Variants in ICA1 observed in about 807,000 individuals in gnomAD.
The protein encoded by ICA1 is 69 kDa islet cell autoantigen.
In ICA1, 40 loss-of-function variants were observed where a neutral mutation model predicts 71.0. That is an observed-to-expected ratio of 0.56 (90% confidence interval 0.44 to 0.73). ICA1 has a LOEUF of 0.73. Among genes scored for constraint, ICA1 ranks in the 30% least tolerant of loss-of-function variants. The probability of loss-of-function intolerance (pLI) is 0.00; values close to 1 mark genes in which losing one functional copy is unlikely to be tolerated. For missense variants in ICA1, 578 were observed against 576.5 expected (o/e 1.00, Z -0.03); for synonymous variants, 207 against 209.5 (o/e 0.99, Z 0.10).
At chr7:8,200,576 T>A (rs917438309) in intron 6 of ICA1, among the ~76,000 whole-genome samples, 1 of 152,078 alleles carries the variant, frequency 6.6e-6, no homozygotes, top group African/African-American at 2.4e-5. Context: ...TTGACAAGTA[T>A]GGAAGGGGCC....
At position 8,228,966 on chromosome 7, in the gene ICA1, C is replaced by T. The variant is rs1327776939; in HGVS notation, c.184-293G>A. ...AGCTGAAAAACAAAAAACAGACATC[C>T]TAAGTGAAGGGCCTAGTTAGAGGAC... is the stretch of plus-strand genomic sequence containing the variant. On this transcript the variant is annotated intron_variant, in intron 3 of 13. Transcript: ENST00000402384. 4.6e-5 allele frequency among the ~76,000 whole-genome samples: 7 copies of T among 152,086 alleles called. No individual in the cohort carries two copies. The East Asian group carries it at 1.3e-3, about 29-fold the overall frequency.
intron 12 of ICA1, among the ~76,000 whole-genome samples, chr7:8,129,263 T>G (rs1028857930): frequency 1.3e-5 from 2 of 152,094 alleles, no homozygotes; most frequent in Non-Finnish European, 2.9e-5. Context: ...AAAAAAATCA[T>G]GATTTATGTT....
At chr7:8,136,440 A>G (rs1035883907) in intron 12 of ICA1, among the ~76,000 whole-genome samples, 1 of 152,234 alleles carries the variant, frequency 6.6e-6, no homozygotes, top group Admixed American at 6.5e-5. Flanking sequence ...CAAAGGGCAC[A>G]CATTTTGAAG....
At position 8,123,958 on chromosome 7, in the gene ICA1, G is replaced by A. The variant is rs1014032136; in HGVS notation, c.1330+3915C>T. 3.3e-5 allele frequency among the ~76,000 whole-genome samples: 5 copies of A among 152,142 alleles called. No individual in the cohort carries two copies. Among genetic ancestry groups the A allele is most frequent in the East Asian group, 1.9e-4 (1 of 5,188 alleles). On this transcript the variant is annotated intron_variant, in intron 13 of 13. Transcript: ENST00000402384. This position sits in a 1 kb window ranked among gnomAD's most constrained non-coding sequence, Gnocchi z 4.1. ...TCCTCAGTTTCCCAGGCAATAAAAC[G>A]GATAATAGTAGCTGGCTGGGAAGGG...
chr7:8,165,491 C>G (rs1411291370), intron 6 of ICA1, among the ~76,000 whole-genome samples: 1 of 152,154 alleles, frequency 6.6e-6, no homozygotes, highest in Non-Finnish European at 1.5e-5. Flanking sequence ...TCTCAGTACT[C>G]CTATTCAACA....
At chr7:8,124,824 T>G (rs1370717946) in intron 13 of ICA1, among the ~76,000 whole-genome samples, 1 of 152,024 alleles carries the variant, frequency 6.6e-6, no homozygotes, top group Non-Finnish European at 1.5e-5. Context: ...TCCCTCACTC[T>G]GTCACCCAGA....
intron 1 of ICA1, among the ~76,000 whole-genome samples, chr7:8,240,884 T>C (rs910843425): frequency 7.2e-5 from 11 of 152,064 alleles, no homozygotes; most frequent in Non-Finnish European, 1.5e-4. Context: ...AAAAAGTAAC[T>C]AGCAAAGCCT....
intron 3 of ICA1, among the ~76,000 whole-genome samples, chr7:8,231,331 T>C (rs982346710): frequency 3.9e-5 from 6 of 152,056 alleles, no homozygotes; most frequent in South Asian, 4.2e-4. Flanking sequence ...GCAGGGCCAG[T>C]GGGTCAGGAG....
chr7:8,255,173 C>G (rs938238182), intron 1 of ICA1, among the ~76,000 whole-genome samples: 5 of 152,156 alleles, frequency 3.3e-5, no homozygotes, highest in African/African-American at 1.2e-4. Context: ...ACCATCAGGC[C>G]TCATTCTTCA....
At chr7:8,213,390 A>G (rs533307573) in intron 6 of ICA1, among the ~76,000 whole-genome samples, 1 of 152,304 alleles carries the variant, frequency 6.6e-6, no homozygotes, top group South Asian at 2.1e-4. Context: ...AATGTTCCCC[A>G]TTCACTCAAC....
chr7:8,157,679 A>T (rs1207914754), intron 7 of ICA1: 1 of 149,604 alleles, frequency 6.7e-6, no homozygotes, highest in African/African-American at 2.5e-5. Context: ...CTTTGAAGAC[A>T]AGGAACCTAG....
intron 6 of ICA1, among the ~76,000 whole-genome samples, chr7:8,164,879 A>G (rs554416660): frequency 6.6e-6 from 1 of 152,112 alleles, no homozygotes; most frequent in South Asian, 2.1e-4. Flanking sequence ...GGTGTTCAAG[A>G]CCAGCCTGGG....
At chr7:8,231,000 G>C (rs1014126479) in intron 3 of ICA1, among the ~76,000 whole-genome samples, 6 of 151,870 alleles carry the variant, frequency 4.0e-5, no homozygotes, top group Non-Finnish European at 5.9e-5. Flanking sequence ...GCAAACAGAT[G>C]AACACCTGAG....
intron 6 of ICA1, among the ~76,000 whole-genome samples, chr7:8,166,699 A>C (rs10281292): frequency 1.3e-5 from 2 of 151,944 alleles, no homozygotes; most frequent in Admixed American, 6.6e-5. Flanking sequence ...ACAGAGAAAA[A>C]AGACAACTTA....
chr7:8,124,175 C>T (rs1381381646), intron 13 of ICA1, among the ~76,000 whole-genome samples: 3 of 132,052 alleles, frequency 2.3e-5, no homozygotes, highest in Non-Finnish European at 3.1e-5. Context: ...GGCTGGAGTG[C>T]AGTGGCGGGA....
intron 4 of ICA1, chr7:8,227,648 C>T: frequency 2.5e-6 from 1 of 399,448 alleles, no homozygotes; most frequent in African/African-American, 2.1e-5. Context: ...CTTCTGTCGC[C>T]CAGGCTGGAG....
rs1421129506 is a variant in ICA1 at position 8,222,655 on chromosome 7, G to A, written c.257-1257C>T. On this transcript the variant is annotated intron_variant, in intron 4 of 13. Transcript: ENST00000402384. This position sits in a 1 kb window ranked among gnomAD's most constrained non-coding sequence, Gnocchi z 4.8. ...AGTTTCACCCTAAACATTCCCTTGG[G>A]AAGGCCCAGTCAAGAAGAGGCTTTT... is the stretch of plus-strand genomic sequence containing the variant. Among the ~76,000 whole-genome samples the A allele has an allele frequency of 2.0e-5, 3 of 152,168 alleles. No individual in the cohort carries two copies. Among genetic ancestry groups the A allele is most frequent in the South Asian group, 2.1e-4 (1 of 4,826 alleles).
At chr7:8,193,037 G>T (rs1786238080) in intron 6 of ICA1, among the ~76,000 whole-genome samples, 1 of 152,130 alleles carries the variant, frequency 6.6e-6, no homozygotes, top group South Asian at 2.1e-4. Flanking sequence ...TTAGTGGAGG[G>T]TATGTAGAAA....
intron 6 of ICA1, among the ~76,000 whole-genome samples, chr7:8,190,912 A>T (rs1252434903): frequency 6.6e-6 from 1 of 152,250 alleles, no homozygotes; most frequent in African/African-American, 2.4e-5. Flanking sequence ...CAGAAAAATT[A>T]AACATTCTGG....
Sources: gnomAD v4.1 joint callset for allele counts (sites outside exome capture counted in the v4.1 genomes callset) on GRCh38, gnomAD v4.1.1 for gene constraint, Gnocchi (gnomAD v3.1) non-coding constraint, MANE v1.5 for transcripts, NCBI Gene and HGNC (gene_info 2026-07-23, HGNC 2026-07-21) for gene names.